The following NEK10 variants were observed in gnomAD, a reference collection of about 807,000 sequenced individuals.
The protein encoded by NEK10 is NIMA related kinase 10, also known as serine/threonine-protein kinase Nek10.
Under a neutral mutation model 159.8 loss-of-function variants are expected in NEK10, and 122 were observed. The observed-to-expected ratio is 0.76, with a 90% CI of 0.66 to 0.89. The LOEUF is 0.89. NEK10 is among the 40% of genes least tolerant of loss of function. The pLI, the probability that NEK10 is intolerant of heterozygous loss-of-function variation, is 0.00. For synonymous variants in NEK10, 466 were observed against 457.1 expected, an observed-to-expected ratio of 1.02 and a Z score of -0.25; for missense variants, 1,342 against 1,323.1, an observed-to-expected ratio of 1.01 and a Z score of -0.22.
At chr3:27,276,664 G>A (rs1344407437) in intron 22 of NEK10, among the ~76,000 whole-genome samples, 1 of 152,180 alleles carries the variant, frequency 6.6e-6, no homozygotes, top group East Asian at 1.9e-4. Context: ...GCCAATGGCA[G>A]AGCAATCTTC....
intron 22 of NEK10, among the ~76,000 whole-genome samples, chr3:27,263,574 C>T (rs1436394255): frequency 1.3e-5 from 2 of 152,174 alleles, no homozygotes; most frequent in African/African-American, 4.8e-5. Flanking sequence ...GACTGCTGTG[C>T]TAGCAATGAG....
chr3:27,109,378 TAAA>T lies in NEK10; in HGVS notation c.*1891_*1893del, dbSNP rs369638958. ...TGGGCAACAGAGTGAGACTCTGTCT[TAAA>T]AAAAAAAAAAAAAAAAAAGAGTTAG... On this transcript the variant is annotated 3_prime_UTR_variant, in exon 36 of 36. Coordinates refer to ENST00000691995, the MANE Select transcript of NEK10 (RefSeq NM_001394966.1). Among the ~76,000 whole-genome samples the T allele has an allele frequency of 1.1e-4, 13 of 117,230 alleles. No individual in the cohort carries two copies. Among genetic ancestry groups the T allele is most frequent in the South Asian group, 3.1e-4 (1 of 3,210 alleles). The allele number at this position is 117,230 out of a possible 152,430, so 76.9% of individuals were successfully genotyped here. A position where few individuals can be genotyped will look rare whatever the true frequency, so the allele number is the denominator to read the frequency against.
chr3:27,288,662 T>C (rs34453788), intron 19 of NEK10, among the ~76,000 whole-genome samples: 23,561 of 152,276 alleles, frequency 0.15, 2,038 homozygotes, highest in Non-Finnish European at 0.2. Context: ...TTCTCTTTGA[T>C]ATAAGTTAAG....
chr3:27,317,702 A>G (rs1408113086), intron 6 of NEK10, among the ~76,000 whole-genome samples: 1 of 152,198 alleles, frequency 6.6e-6, no homozygotes, highest in Non-Finnish European at 1.5e-5. Context: ...AATGCTGAAC[A>G]CACTGCATAA....
chr3:27,211,616 T>A (rs1042205760), intron 23 of NEK10, among the ~76,000 whole-genome samples: 1 of 152,168 alleles, frequency 6.6e-6, no homozygotes, highest in African/African-American at 2.4e-5. Context: ...TCTCACCCTG[T>A]CCCACCCATG....
At chr3:27,160,836 G>A (rs924939928) in intron 30 of NEK10, among the ~76,000 whole-genome samples, 5 of 152,282 alleles carry the variant, frequency 3.3e-5, no homozygotes, top group Admixed American at 1.3e-4. Flanking sequence ...AACCCAGGAG[G>A]AGGAGGCTTC....
chr3:27,261,290 C>T (rs1179522152), intron 22 of NEK10, among the ~76,000 whole-genome samples: 2 of 152,100 alleles, frequency 1.3e-5, no homozygotes, highest in Non-Finnish European at 2.9e-5. Context: ...GCTCTTACTT[C>T]TCTAGTTCTT....
In NEK10 at chr3:27,109,221, A is replaced by T. The variant is rs978704644; in HGVS notation, c.*2051T>A. Among the ~76,000 whole-genome samples, 1 of 152,018 alleles carries T rather than the reference A, an allele frequency of 6.6e-6. No homozygotes were observed. Among genetic ancestry groups the T allele is most frequent in the African/African-American group, 2.4e-5 (1 of 41,376 alleles). ...TGGTGTAACCCCATCTCTACTAAAA[A>T]CACAAAAATTAGCTGGGCATGGCAG... On this transcript the variant is annotated 3_prime_UTR_variant, in exon 36 of 36. Coordinates refer to ENST00000691995, the MANE Select transcript of NEK10 (RefSeq NM_001394966.1).
chr3:27,261,211 T>C (rs1356357796), intron 22 of NEK10, among the ~76,000 whole-genome samples: 1 of 152,206 alleles, frequency 6.6e-6, no homozygotes, highest in East Asian at 1.9e-4. Flanking sequence ...TTTTTTTGTG[T>C]CTCTATTTCC....
chr3:27,364,124 CG>C (rs2048880884), intron 1 of NEK10, among the ~76,000 whole-genome samples: 1 of 151,106 alleles, frequency 6.6e-6, no homozygotes, highest in African/African-American at 2.4e-5. Flanking sequence ...CTCACTATGT[CG>C]CCCAGGCTGG....
At chr3:27,314,861 A>G (rs931129658) in intron 6 of NEK10, among the ~76,000 whole-genome samples, 5 of 152,148 alleles carry the variant, frequency 3.3e-5, no homozygotes, top group Admixed American at 6.5e-5. Context: ...GACCTACTCA[A>G]TCACACTCCG....
chr3:27,263,720 G>A (rs768124590), intron 22 of NEK10, among the ~76,000 whole-genome samples: 2 of 152,256 alleles, frequency 1.3e-5, no homozygotes, highest in South Asian at 2.1e-4. Context: ...TCTGTCACCC[G>A]TTTCTTTGAC....
intron 22 of NEK10, among the ~76,000 whole-genome samples, chr3:27,266,632 T>C (rs1387228280): frequency 6.6e-6 from 1 of 152,206 alleles, no homozygotes; most frequent in Non-Finnish European, 1.5e-5. Flanking sequence ...GTTCTTGTGC[T>C]AGCTGTCAAC....
At chr3:27,309,585 T>C (rs1361838609) in intron 9 of NEK10, 1 of 152,174 alleles carries the variant, frequency 6.6e-6, no homozygotes. Context: ...CTGGTTCTCA[T>C]ACATCCTTCT....
At chr3:27,228,942 A>C (rs1278816015) in intron 23 of NEK10, among the ~76,000 whole-genome samples, 1 of 152,106 alleles carries the variant, frequency 6.6e-6, no homozygotes, top group Non-Finnish European at 1.5e-5. Flanking sequence ...AGCCACCTTC[A>C]TGGAGACTGG....
intron 3 of NEK10, among the ~76,000 whole-genome samples, chr3:27,349,669 T>A (rs2047827975): frequency 6.6e-6 from 1 of 152,188 alleles, no homozygotes; most frequent in African/African-American, 2.4e-5. Context: ...GCTCTAAATG[T>A]GGAGGAAGAA....
At chr3:27,355,020 G>A (rs2048233802) in intron 1 of NEK10, among the ~76,000 whole-genome samples, 1 of 152,186 alleles carries the variant, frequency 6.6e-6, no homozygotes, top group African/African-American at 2.4e-5. Flanking sequence ...CCAAGGAATG[G>A]GAGAGGCTCT....
intron 32 of NEK10, among the ~76,000 whole-genome samples, chr3:27,123,822 C>T (rs1263653970): frequency 6.6e-6 from 1 of 151,780 alleles, no homozygotes; most frequent in African/African-American, 2.4e-5. Context: ...AAGAACATTA[C>T]AGGCAGAGGA....
intron 22 of NEK10, among the ~76,000 whole-genome samples, chr3:27,283,028 G>A (rs1338280243): frequency 2.0e-5 from 3 of 151,904 alleles, no homozygotes; most frequent in African/African-American, 7.3e-5. Context: ...AAGTAGCTTT[G>A]TATTGAAGGT....
Sources: gnomAD v4.1 joint callset for allele counts (sites outside exome capture counted in the v4.1 genomes callset) on GRCh38, gnomAD v4.1.1 for gene constraint, MANE v1.5 for transcripts, NCBI Gene and HGNC (gene_info 2026-07-23, HGNC 2026-07-21) for gene names.